The following RAB5A variants were observed in gnomAD, a reference collection of about 807,000 sequenced individuals.
RAB5A encodes the protein ras-related protein Rab-5A.
In RAB5A, 8 loss-of-function variants were observed where a neutral mutation model predicts 25.7. That is an observed-to-expected ratio of 0.31 (90% CI 0.18 to 0.56). The LOEUF (loss-of-function observed/expected upper bound fraction) is 0.56. RAB5A is among the 20% of genes least tolerant of loss of function. The pLI is 0.91. For missense variants in RAB5A, 192 were observed against 259.7 expected (o/e 0.74, Z 1.79); for synonymous variants, 98 against 89.8 (o/e 1.09, Z -0.52).
chr3:19,958,894 G>A (rs1696543719), intron 2 of RAB5A, among the ~76,000 whole-genome samples: 1 of 151,136 alleles, frequency 6.6e-6, no homozygotes, highest in Non-Finnish European at 1.5e-5. Context: ...AGCTGAGATC[G>A]CACCACTGCA....
At chr3:19,979,599 A>T (rs1195447188) in intron 5 of RAB5A, among the ~76,000 whole-genome samples, 2 of 152,146 alleles carry the variant, frequency 1.3e-5, no homozygotes, top group Non-Finnish European at 2.9e-5. Context: ...GGTACTTTTA[A>T]CTGATGGTAA....
At chr3:19,968,012 G>A (rs1332067995) in intron 2 of RAB5A, among the ~76,000 whole-genome samples, 1 of 152,040 alleles carries the variant, frequency 6.6e-6, no homozygotes, top group Non-Finnish European at 1.5e-5. Flanking sequence ...TGTTATGTCG[G>A]ATTACTGCTG....
At chr3:19,961,697 G>A (rs13070536) in intron 2 of RAB5A, among the ~76,000 whole-genome samples, 26,220 of 152,000 alleles carry the variant, frequency 0.17, 2,190 homozygotes, top group South Asian at 0.21. Context: ...AAGGTTTACA[G>A]TGAAAAATCT....
chr3:19,959,038 TAA>T (rs1334440890), intron 2 of RAB5A, among the ~76,000 whole-genome samples: 1 of 152,244 alleles, frequency 6.6e-6, no homozygotes, highest in African/African-American at 2.4e-5. Flanking sequence ...TTTGTTTTCT[TAA>T]AATGTATTTC....
In RAB5A at chr3:19,983,857, G is replaced by T; in HGVS notation, c.*34G>T. 1 of 1,389,368 alleles carries T rather than the reference G, an allele frequency of 7.2e-7. No individual in the cohort carries two copies. The highest frequency in any genetic ancestry group is 1.0e-6 in the Non-Finnish European group (1 of 987,330). The allele number at this position is 1,389,368 out of a possible 1,614,324, so 86.1% of individuals were successfully genotyped here. A position where few individuals can be genotyped will look rare whatever the true frequency, so the allele number is the denominator to read the frequency against. ...TTTGAACTAGCTGGAATAGTCTTCT[G>T]CTTCCTAAATGTTAATAACAATGGA... is the stretch of plus-strand genomic sequence containing the variant. On this transcript the variant is annotated 3_prime_UTR_variant, in exon 6 of 6. Transcript: ENST00000273047.
intron 2 of RAB5A, among the ~76,000 whole-genome samples, chr3:19,957,000 G>A (rs1481492194): frequency 6.7e-6 from 1 of 149,572 alleles, no homozygotes; most frequent in Non-Finnish European, 1.5e-5. Context: ...GGTGTACAGT[G>A]GTGGCATCAA....
intron 1 of RAB5A, among the ~76,000 whole-genome samples, chr3:19,950,250 A>C (rs911558134): frequency 3.3e-5 from 5 of 152,210 alleles, no homozygotes; most frequent in African/African-American, 1.2e-4. Flanking sequence ...TTGTTGTCCA[A>C]AATTACCATT....
intron 2 of RAB5A, among the ~76,000 whole-genome samples, chr3:19,963,188 G>A (rs139318396): frequency 6.6e-6 from 1 of 152,196 alleles, no homozygotes; most frequent in East Asian, 1.9e-4. Flanking sequence ...ACACTACTGT[G>A]TTCCATTTGA....
At chr3:19,969,582 G>A (rs1299045379) in intron 2 of RAB5A, among the ~76,000 whole-genome samples, 2 of 152,164 alleles carry the variant, frequency 1.3e-5, no homozygotes, top group Admixed American at 6.5e-5. Context: ...TGTTATGGAT[G>A]TTATGACACA....
chr3:19,952,153 T>C (rs1450899283), intron 2 of RAB5A, among the ~76,000 whole-genome samples: 1 of 152,182 alleles, frequency 6.6e-6, no homozygotes, highest in Admixed American at 6.6e-5. Flanking sequence ...AAGTCTAGCC[T>C]GGGCAACATA....
intron 2 of RAB5A, among the ~76,000 whole-genome samples, chr3:19,960,368 A>G (rs1559487538): frequency 6.6e-6 from 1 of 152,160 alleles, no homozygotes; most frequent in Non-Finnish European, 1.5e-5. Context: ...TGGCATGATC[A>G]TGGCTCACTG....
chr3:19,965,867 G>A (rs2125186382), intron 2 of RAB5A, among the ~76,000 whole-genome samples: 1 of 151,946 alleles, frequency 6.6e-6, no homozygotes, highest in Non-Finnish European at 1.5e-5. Flanking sequence ...CCAGTAGCTG[G>A]GACTACAGGT....
Position 19,975,929 on chromosome 3 carries a change from G to A in RAB5A, c.316-118G>A, listed in dbSNP as rs1696818270. On this transcript the variant is annotated intron_variant, in intron 3 of 5. Coordinates refer to ENST00000273047, the MANE Select transcript of RAB5A (RefSeq NM_004162.5). ...AACGAAAATGTCTCATAATACAATA[G>A]TCCTAATAATTTCTTTCCCACAGTC... is the stretch of plus-strand genomic sequence containing the variant. 2.9e-6 allele frequency: 4 copies of A among 1,391,234 alleles called. 1 individual carries two copies. In the South Asian group the frequency reaches 5.8e-5, roughly 20 times the overall value. The allele number at this position is 1,391,234 out of a possible 1,614,324, so 86.2% of individuals were successfully genotyped here.
intron 2 of RAB5A, among the ~76,000 whole-genome samples, chr3:19,962,261 C>G (rs1696596621): frequency 6.6e-6 from 1 of 152,072 alleles, no homozygotes; most frequent in Admixed American, 6.6e-5. Context: ...TGTCTTGTTG[C>G]AGCTGCCTTA....
chr3:19,951,576 A>C (rs1294771196), intron 2 of RAB5A, among the ~76,000 whole-genome samples: 2 of 152,088 alleles, frequency 1.3e-5, no homozygotes, highest in South Asian at 2.1e-4. Flanking sequence ...CCTAGGCTGG[A>C]GTGCAGTGTC....
chr3:19,975,794 C>G, intron 3 of RAB5A, 42 bp downstream of exon 3: 1 of 1,539,950 alleles, frequency 6.5e-7, no homozygotes. Context: ...ATTTGAGTAC[C>G]CACTTTTGGT....
intron 2 of RAB5A, among the ~76,000 whole-genome samples, chr3:19,955,198 T>G (rs1696482244): frequency 6.6e-6 from 1 of 152,226 alleles, no homozygotes; most frequent in Non-Finnish European, 1.5e-5. Context: ...CCTTTTTTTC[T>G]CTTCTGAGAA....
In RAB5A at chr3:19,950,839, C is replaced by T; in HGVS notation, c.-60C>T. The T allele has an allele frequency of 6.6e-7, 1 of 1,516,268 alleles. No individual in the cohort carries two copies. Among genetic ancestry groups the T allele is most frequent in the Middle Eastern group, 2.5e-4 (1 of 4,074 alleles). 93.9% of individuals were successfully genotyped at this position (1,516,268 alleles called of 1,614,324 possible). A position where few individuals can be genotyped will look rare whatever the true frequency, so the allele number is the denominator to read the frequency against. ...ACCTCCAGAAAGAAGAATATTGGCC[C>T]CTTGAATTCTGGAAGTTCATTGAAG... On this transcript the variant is annotated 5_prime_UTR_variant, in exon 2 of 6. Coordinates refer to ENST00000273047, the MANE Select transcript of RAB5A (RefSeq NM_004162.5).
intron 2 of RAB5A, among the ~76,000 whole-genome samples, chr3:19,957,878 A>G (rs1696527753): frequency 1.3e-5 from 2 of 152,212 alleles, no homozygotes; most frequent in South Asian, 2.1e-4. Flanking sequence ...TTTTTCAACA[A>G]TACCTTAATA....
Sources: allele counts gnomAD v4.1 joint callset (sites outside exome capture counted in the v4.1 genomes callset), GRCh38; gene constraint gnomAD v4.1.1; transcripts MANE v1.5; gene names NCBI Gene and HGNC (gene_info 2026-07-23, HGNC 2026-07-21).